Variants in AZI2 observed in about 807,000 individuals in gnomAD.
The protein encoded by AZI2 is 5-azacytidine induced 2, also known as 5-azacytidine-induced protein 2.
Under a neutral mutation model 45.8 loss-of-function variants are expected in AZI2, and 22 were observed. That is an observed-to-expected ratio of 0.48 (90% CI 0.34 to 0.69). The LOEUF (loss-of-function observed/expected upper bound fraction) is 0.69, where lower values mean the gene tolerates loss of function less well. Ranked by LOEUF, AZI2 falls within the 30% of genes least tolerant of loss-of-function variation. The pLI is 0.01. For missense variants in AZI2, 417 were observed against 441.5 expected (o/e 0.94, Z 0.50); for synonymous variants, 137 against 156.7 (o/e 0.87, Z 0.94).
chr3:28,339,801 T>C (rs1703939822), intron 2 of AZI2, among the ~76,000 whole-genome samples: 1 of 152,134 alleles, frequency 6.6e-6, no homozygotes, highest in South Asian at 2.1e-4. Flanking sequence ...AAAGGATGAC[T>C]GAAGAATATT....
chr3:28,344,999 T>G (rs998470547), intron 1 of AZI2, among the ~76,000 whole-genome samples: 2 of 152,026 alleles, frequency 1.3e-5, no homozygotes, highest in African/African-American at 4.8e-5. Flanking sequence ...ATAAATAAAT[T>G]TTGCTTTTCC....
At chr3:28,333,252 C>G (rs1703655443) in intron 5 of AZI2, among the ~76,000 whole-genome samples, 1 of 151,730 alleles carries the variant, frequency 6.6e-6, no homozygotes, top group Non-Finnish European at 1.5e-5. Context: ...TGAGTACTCT[C>G]AACTTGAGAG....
chr3:28,331,837 A>G, intron 6 of AZI2: 4 of 1,542,156 alleles, frequency 2.6e-6, no homozygotes, highest in Non-Finnish European at 3.5e-6. Context: ...AAGGGTTGAA[A>G]AAGTATATGA....
intron 5 of AZI2, among the ~76,000 whole-genome samples, chr3:28,334,091 C>G (rs772324240): frequency 2.0e-5 from 3 of 151,486 alleles, no homozygotes; most frequent in Non-Finnish European, 4.4e-5. Flanking sequence ...GCCCCTGAAA[C>G]CTCACTAACA....
intron 6 of AZI2, among the ~76,000 whole-genome samples, chr3:28,329,713 A>G (rs1289792980): frequency 6.6e-6 from 1 of 151,312 alleles, no homozygotes; most frequent in Non-Finnish European, 1.5e-5. Flanking sequence ...GAATTAAACT[A>G]TGGGATATTC....
intron 1 of AZI2, among the ~76,000 whole-genome samples, chr3:28,342,711 G>GCACACACACACACA (rs71087691): frequency 6.8e-6 from 1 of 147,472 alleles, no homozygotes; most frequent in Non-Finnish European, 1.5e-5. Context: ...TCTTACACAT[G>GCACACACACACACA]CACACACACA....
intron 1 of AZI2, among the ~76,000 whole-genome samples, chr3:28,343,949 C>T (rs925849650): frequency 1.3e-5 from 2 of 151,940 alleles, no homozygotes; most frequent in African/African-American, 4.8e-5. Context: ...TATTGATATG[C>T]TACCTTTTTA....
intron 7 of AZI2, among the ~76,000 whole-genome samples, chr3:28,325,824 G>A (rs1577119216): frequency 6.6e-6 from 1 of 150,906 alleles, no homozygotes; most frequent in Middle Eastern, 3.2e-3. Flanking sequence ...AGGACAAAGT[G>A]AACCAAAAAT....
intron 6 of AZI2, among the ~76,000 whole-genome samples, chr3:28,327,196 T>A (rs1260473259): frequency 6.6e-6 from 1 of 151,074 alleles, no homozygotes; most frequent in African/African-American, 2.4e-5. Flanking sequence ...AAAATAAAAT[T>A]ATAACTGATA....
At position 28,336,896 on chromosome 3, in the gene AZI2, G is replaced by A; in HGVS notation, c.440-11C>T. On this transcript the variant is annotated splice_polypyrimidine_tract_variant and intron_variant, in intron 4 of 7. Coordinates refer to ENST00000479665, the MANE Select transcript of AZI2 (RefSeq NM_022461.5). ...TTAAATTCCTCATCACTACAAAAAG[G>A]ATGGACACTGAAATTGTTATCTTTT... 6.2e-7 allele frequency: 1 copy of A among 1,609,998 alleles called. No homozygotes were observed. The highest frequency in any genetic ancestry group is 8.5e-7 in the Non-Finnish European group (1 of 1,177,790).
At chr3:28,327,655 A>G (rs543955237) in intron 6 of AZI2, among the ~76,000 whole-genome samples, 15 of 151,188 alleles carry the variant, frequency 9.9e-5, no homozygotes, top group Non-Finnish European at 1.8e-4. Context: ...TCAATTATCT[A>G]AGAAATTATA....
intron 5 of AZI2, among the ~76,000 whole-genome samples, chr3:28,332,776 C>T (rs1373845636): frequency 1.3e-5 from 2 of 151,670 alleles, no homozygotes; most frequent in Admixed American, 1.3e-4. Context: ...TTTCTGTTTA[C>T]TTATGGTATG....
chr3:28,338,093 T>C (rs557860964), intron 3 of AZI2, 57 bp from the exon 4 acceptor site: 7 of 1,014,604 alleles, frequency 6.9e-6, no homozygotes, highest in South Asian at 2.0e-5. Flanking sequence ...CGTTGGTATA[T>C]TGTAATTTTC....
rs1703238054 is a variant in AZI2, at chr3:28,323,049, T to C, written c.*993A>G. On this transcript the variant is annotated 3_prime_UTR_variant, in exon 8 of 8. Coordinates refer to ENST00000479665, the MANE Select transcript of AZI2 (RefSeq NM_022461.5). ...TGTGGACATTTCATGATCGACAATATCAATACAGCCCAAACCCTGATTTCT... is the reference window on the plus strand; with the variant it reads ...TGTGGACATTTCATGATCGACAATACCAATACAGCCCAAACCCTGATTTCT... 1 of 151,068 alleles carries C rather than the reference T, an allele frequency of 6.6e-6. No individual in the cohort carries two copies. Among genetic ancestry groups the C allele is most frequent in the South Asian group, 2.1e-4 (1 of 4,820 alleles). 9.4% of individuals were successfully genotyped at this position (151,068 alleles called of 1,614,324 possible).
intron 1 of AZI2, among the ~76,000 whole-genome samples, chr3:28,344,021 G>A (rs1342359705): frequency 6.6e-6 from 1 of 151,762 alleles, no homozygotes; most frequent in Non-Finnish European, 1.5e-5. Flanking sequence ...GATTTTTCAA[G>A]TTTTATACCA....
intron 2 of AZI2, among the ~76,000 whole-genome samples, chr3:28,339,075 G>A (rs12374021): frequency 0.21 from 31,176 of 151,600 alleles, 3,583 homozygotes; most frequent in Admixed American, 0.28. Context: ...CCGCCTCCCA[G>A]GTTTAAGTGA....
chr3:28,348,220 T>C (rs891342148), intron 1 of AZI2: 1 of 151,738 alleles, frequency 6.6e-6, no homozygotes, highest in Non-Finnish European at 1.5e-5. Context: ...CCCCAGGGAG[T>C]ACCGTCCTAG....
chr3:28,328,042 T>A (rs140958995), intron 6 of AZI2, among the ~76,000 whole-genome samples: 1,757 of 150,280 alleles, frequency 0.012, 38 homozygotes, highest in African/African-American at 0.04. Context: ...ATATAATATA[T>A]AAAATATTTT....
At chr3:28,347,298 G>A (rs1206267908) in intron 1 of AZI2, among the ~76,000 whole-genome samples, 1 of 152,154 alleles carries the variant, frequency 6.6e-6, no homozygotes, top group African/African-American at 2.4e-5. Flanking sequence ...AAGCGTTTAT[G>A]GTATACCAAG....
Sources: allele counts gnomAD v4.1 joint callset (sites outside exome capture counted in the v4.1 genomes callset), GRCh38; gene constraint gnomAD v4.1.1; transcripts MANE v1.5; gene names NCBI Gene and HGNC (gene_info 2026-07-23, HGNC 2026-07-21).